SLF1: variants seen among roughly 807,000 people sequenced by gnomAD.
SLF1 encodes SMC5/6 complex localization factor 1, also known as SMC5-SMC6 complex localization factor protein 1.
A neutral mutation model predicts 123.0 loss-of-function variants in SLF1; 105 were observed. That is an observed-to-expected ratio of 0.85 (90% CI 0.73 to 1.00). The LOEUF (loss-of-function observed/expected upper bound fraction) is 1.00. SLF1 is among the 50% of genes least tolerant of loss of function. The probability of loss-of-function intolerance (pLI) is 0.00; values close to 1 mark genes in which losing one functional copy is unlikely to be tolerated. For missense variants in SLF1, 1,239 were observed against 1,223.0 expected (o/e 1.01, Z -0.20); for synonymous variants, 434 against 406.6 (o/e 1.07, Z -0.81).
At chr5:94,686,000 C>CT (rs1752383093) in intron 15 of SLF1, among the ~76,000 whole-genome samples, 1 of 151,632 alleles carries the variant, frequency 6.6e-6, no homozygotes, top group African/African-American at 2.4e-5. Context: ...TACCTTGTGC[C>CT]TTTCTTGTTT....
chr5:94,639,637 A>G (rs72773523), intron 4 of SLF1, among the ~76,000 whole-genome samples: 22,580 of 152,144 alleles, frequency 0.15, 1,875 homozygotes, highest in East Asian at 0.32. Context: ...AAACATAACT[A>G]CTAGTAGCCT....
intron 4 of SLF1, among the ~76,000 whole-genome samples, chr5:94,631,759 T>C (rs898691788): frequency 6.6e-6 from 1 of 152,198 alleles, no homozygotes; most frequent in African/African-American, 2.4e-5. Context: ...TCTTGGGAAA[T>C]ATCTCGGAAT....
chr5:94,674,993 C>T (rs1038164138), intron 14 of SLF1, among the ~76,000 whole-genome samples: 2 of 152,162 alleles, frequency 1.3e-5, no homozygotes, highest in African/African-American at 2.4e-5. Context: ...TGACTAGAGG[C>T]CAAGTCTCCA....
intron 1 of SLF1, among the ~76,000 whole-genome samples, chr5:94,628,435 C>T (rs756254060): frequency 1.3e-4 from 20 of 152,354 alleles, no homozygotes; most frequent in Middle Eastern, 3.4e-3. Context: ...CTGCACCCAG[C>T]CCAACAATAC....
At chr5:94,629,014 A>G in intron 2 of SLF1, 78 bp from the exon 3 acceptor site, 1 of 1,401,262 alleles carries the variant, frequency 7.1e-7, no homozygotes, top group Non-Finnish European at 9.7e-7. Flanking sequence ...CCTTCTTGAT[A>G]TTGTAGCAAT....
chr5:94,651,227 C>T (rs1004770441), intron 6 of SLF1, among the ~76,000 whole-genome samples: 8 of 152,150 alleles, frequency 5.3e-5, no homozygotes. Flanking sequence ...ACTATACCAT[C>T]TAGGTTTGTG....
At chr5:94,683,159 T>A (rs1752016579) in intron 15 of SLF1, among the ~76,000 whole-genome samples, 1 of 152,218 alleles carries the variant, frequency 6.6e-6, no homozygotes, top group African/African-American at 2.4e-5. Context: ...TCAGATTACA[T>A]CATTATTGCC....
At chr5:94,624,002 G>A (rs1015505995) in intron 1 of SLF1, among the ~76,000 whole-genome samples, 1 of 152,092 alleles carries the variant, frequency 6.6e-6, no homozygotes, top group Non-Finnish European at 1.5e-5. Context: ...ATTATAAACT[G>A]TTGTTTCAAG....
chr5:94,677,826 G>A (rs190385349), intron 14 of SLF1, among the ~76,000 whole-genome samples: 78 of 152,132 alleles, frequency 5.1e-4, no homozygotes, highest in Non-Finnish European at 8.1e-4. Context: ...AAACATTAGC[G>A]TAGGGTAAAG....
intron 14 of SLF1, among the ~76,000 whole-genome samples, chr5:94,677,073 C>T (rs961603779): frequency 2.0e-5 from 3 of 151,970 alleles, no homozygotes; most frequent in East Asian, 1.9e-4. Flanking sequence ...TAATTTATTC[C>T]GTAATATATA....
chr5:94,694,292 A>G (rs987730743), intron 20 of SLF1, among the ~76,000 whole-genome samples: 2 of 151,946 alleles, frequency 1.3e-5, no homozygotes, highest in Non-Finnish European at 2.9e-5. Flanking sequence ...AAGAATTAAT[A>G]TGTAATTTGT....
In SLF1 at chr5:94,654,745, G is replaced by T; in HGVS notation, c.1148G>T (p.Arg383Ile). Residue 383 changes from arginine (R) to isoleucine (I), a missense_variant, in exon 9 of 21, where the codon AGA becomes ATA. Physicochemically the swap from Arg to Ile is moderately conservative, Grantham distance 97. Transcript: ENST00000265140. Reference sequence around the variant, plus strand: ...AATACCTTAAGGAAGCACATATATAGAGCTCAGGTAAAACTTGGCACATGA... The same window carrying T: ...AATACCTTAAGGAAGCACATATATATAGCTCAGGTAAAACTTGGCACATGA... ...IKNTLRKHIY[R>I]AQAVRYNCIR... is the part of the protein sequence containing the mutation. The T allele has an allele frequency of 6.6e-7, 1 of 1,511,236 alleles. No individual in the cohort carries two copies. Among genetic ancestry groups the T allele is most frequent in the South Asian group, 1.3e-5 (1 of 75,496 alleles). The allele number at this position is 1,511,236 out of a possible 1,614,324, so 93.6% of individuals were successfully genotyped here. A position where few individuals can be genotyped will look rare whatever the true frequency, so the allele number is the denominator to read the frequency against.
chr5:94,694,616 A>C (rs1321660126), intron 20 of SLF1, among the ~76,000 whole-genome samples: 3 of 151,870 alleles, frequency 2.0e-5, no homozygotes, highest in Non-Finnish European at 2.9e-5. Context: ...GGAGGCATGC[A>C]CGTTTGGGGA....
In SLF1 at chr5:94,694,859, T is replaced by C; in HGVS notation, c.2724T>C (p.Ala908=). Residue 908 remains alanine (A), a synonymous_variant, in exon 21 of 21, where the codon GCT becomes GCC. Coordinates refer to ENST00000265140, the MANE Select transcript of SLF1 (RefSeq NM_032290.4). The part of the protein sequence containing the change: ...GGPVLLQQRN[A]KGELPLDYVV... Reference sequence around the variant, plus strand: ...CAGTGCTTTTACAACAGAGGAATGCTAAGGGAGAATTGCCCTTGGATTATG... The same window carrying C: ...CAGTGCTTTTACAACAGAGGAATGCCAAGGGAGAATTGCCCTTGGATTATG... The C allele has an allele frequency of 6.3e-7, 1 of 1,594,902 alleles. No individual in the cohort carries two copies. The highest frequency in any genetic ancestry group is 2.2e-5 in the East Asian group (1 of 44,710).
At chr5:94,661,186 T>C (rs1749058341) in intron 9 of SLF1, among the ~76,000 whole-genome samples, 1 of 152,184 alleles carries the variant, frequency 6.6e-6, no homozygotes, top group Admixed American at 6.5e-5. Context: ...CAGGCAGCTT[T>C]CTAAACTAGT....
At position 94,662,515 on chromosome 5, in the gene SLF1, T is replaced by C. The variant is rs78165170; in HGVS notation, c.1209+164T>C. On this transcript the variant is annotated intron_variant, in intron 10 of 20. Transcript: ENST00000265140. ...CTTCTCTAATCAGAAATGATAAAAA[T>C]ATTCTGTCAAAACTCCCCCAAAAAT... Among the ~76,000 whole-genome samples, 24 of 152,298 alleles carry C rather than the reference T, an allele frequency of 1.6e-4. No individual in the cohort carries two copies. The East Asian group carries it at 4.6e-3, about 29-fold the overall frequency.
rs751321992 is a variant in SLF1, at chr5:94,694,896, C to G, written c.2761C>G (p.Gln921Glu). The G allele has an allele frequency of 7.5e-6, 12 of 1,610,380 alleles. No individual in the cohort carries two copies. In the South Asian group the frequency reaches 1.2e-4, roughly 16 times the overall value. ...ELPLDYVVSP[Q>E]IKEELFAITK... ...GCCCTTGGATTATGTGGTTTCACCT[C>G]AAATCAAAGAAGAACTGTTTGCTAT... The change falls in exon 21 of 21, where the codon CAA (glutamine) becomes GAA (glutamate). Residue 921 changes from glutamine (Q) to glutamate (E), a missense_variant. Physicochemically the swap from Gln to Glu is conservative, Grantham distance 29. Transcript: ENST00000265140.
At chr5:94,692,293 A>G (rs1396646332) in intron 20 of SLF1, 37 bp downstream of exon 20, 1 of 1,589,274 alleles carries the variant, frequency 6.3e-7, no homozygotes, top group South Asian at 1.1e-5. Context: ...TTGATAAATT[A>G]TCCAGTTTTT....
intron 9 of SLF1, among the ~76,000 whole-genome samples, chr5:94,658,318 T>C (rs920544291): frequency 6.6e-6 from 1 of 152,088 alleles, no homozygotes; most frequent in Non-Finnish European, 1.5e-5. Context: ...GTGTGGTTGG[T>C]CTGTTAGTAA....
Sources: gnomAD v4.1 joint callset for allele counts (sites outside exome capture counted in the v4.1 genomes callset) on GRCh38, gnomAD v4.1.1 for gene constraint, MANE v1.5 for transcripts, NCBI Gene and HGNC (gene_info 2026-07-23, HGNC 2026-07-21) for gene names.